TRERF1: variants seen among roughly 807,000 people sequenced by gnomAD.
The protein encoded by TRERF1 is transcriptional regulating factor 1.
A neutral mutation model predicts 122.9 loss-of-function variants in TRERF1; 27 were observed. That is an observed-to-expected ratio of 0.22 (90% CI 0.16 to 0.30). The LOEUF is 0.30. TRERF1 is among the 10% of genes least tolerant of loss of function. The probability of loss-of-function intolerance (pLI) is 1.00; values close to 1 mark genes in which losing one functional copy is unlikely to be tolerated. For missense variants in TRERF1, 1,248 were observed against 1,560.3 expected (o/e 0.80, Z 3.37); for synonymous variants, 636 against 641.7 (o/e 0.99, Z 0.13).
intron 3 of TRERF1, among the ~76,000 whole-genome samples, chr6:42,324,263 C>T (rs1763921709): frequency 6.6e-6 from 1 of 152,030 alleles, no homozygotes. Flanking sequence ...ATGACACAAA[C>T]AAATGAAAAA....
At chr6:42,378,424 C>T (rs1775295350) in intron 2 of TRERF1, among the ~76,000 whole-genome samples, 1 of 151,444 alleles carries the variant, frequency 6.6e-6, no homozygotes, top group African/African-American at 2.4e-5. Context: ...AAGTAACCGG[C>T]ACTGAGAAAA....
intron 2 of TRERF1, among the ~76,000 whole-genome samples, chr6:42,438,303 C>T (rs535859709): frequency 6.6e-6 from 1 of 151,976 alleles, no homozygotes; most frequent in East Asian, 2.0e-4. Context: ...CATTGCCTCA[C>T]CTTCCTAAAG....
intron 3 of TRERF1, among the ~76,000 whole-genome samples, chr6:42,351,402 A>G (rs1188957310): frequency 2.6e-5 from 4 of 152,262 alleles, no homozygotes; most frequent in African/African-American, 9.6e-5. Context: ...AAGAAATGAT[A>G]CATCAATACA....
chr6:42,308,745 G>T (rs1787724324), intron 3 of TRERF1, among the ~76,000 whole-genome samples: 1 of 152,060 alleles, frequency 6.6e-6, no homozygotes, highest in African/African-American at 2.4e-5. Context: ...GAGAACTTAT[G>T]AACACAAAGA....
chr6:42,243,290 C>T, exon 15 of TRERF1: 1 of 1,614,192 alleles, frequency 6.2e-7, no homozygotes, highest in Non-Finnish European at 8.5e-7. Flanking sequence ...TCCGGTGTTT[C>T]CGCCCCAGCC....
chr6:42,321,741 A>G lies in TRERF1; in HGVS notation c.-370-20992T>C, dbSNP rs976074273. Among the ~76,000 whole-genome samples the G allele has an allele frequency of 5.3e-5, 8 of 152,352 alleles. No homozygotes were observed. The East Asian group carries it at 1.3e-3, about 26-fold the overall frequency. ...CAGACCATATGTGCCAGAACTTCCAATTTTTAAAACAAAACCCCAAACTCT... is the reference window on the plus strand; with the variant it reads ...CAGACCATATGTGCCAGAACTTCCAGTTTTTAAAACAAAACCCCAAACTCT... On this transcript the variant is annotated intron_variant, in intron 3 of 17. Coordinates refer to ENST00000372922, the Ensembl canonical transcript of TRERF1.
chr6:42,413,576 C>T (rs1484439528), intron 2 of TRERF1, among the ~76,000 whole-genome samples: 2 of 152,028 alleles, frequency 1.3e-5, no homozygotes, highest in East Asian at 1.9e-4. Flanking sequence ...TCTATAGGTG[C>T]GCGCCACCAT....
chr6:42,264,761 G>A (rs1778848921), exon 7 of TRERF1: 1 of 1,614,260 alleles, frequency 6.2e-7, no homozygotes, highest in African/African-American at 1.3e-5. Flanking sequence ...GGCCATTCAG[G>A]GCAGGCAGGT....
At chr6:42,401,729 C>T (rs75443123) in intron 2 of TRERF1, among the ~76,000 whole-genome samples, 4,011 of 152,256 alleles carry the variant, frequency 0.026, 146 homozygotes, top group East Asian at 0.12. Flanking sequence ...CCCCGCCCCA[C>T]CTGCAAGAGG....
intron 2 of TRERF1, among the ~76,000 whole-genome samples, chr6:42,378,619 GAGGCAAAGACCCCCGA>G (rs1775333291): frequency 6.6e-6 from 1 of 152,156 alleles, no homozygotes; most frequent in Non-Finnish European, 1.5e-5. Context: ...TTGTCTGTCA[GAGGCAAAGACCCCCGA>G]AGCCCATCTG....
chr6:42,272,330 G>A (rs987820045), intron 4 of TRERF1, among the ~76,000 whole-genome samples: 1 of 152,192 alleles, frequency 6.6e-6, no homozygotes, highest in Non-Finnish European at 1.5e-5. Context: ...TTGGTGGAGT[G>A]AAGGGTGGAG....
At chr6:42,418,536 G>T (rs1199100501) in intron 2 of TRERF1, among the ~76,000 whole-genome samples, 2 of 152,024 alleles carry the variant, frequency 1.3e-5, no homozygotes, top group Non-Finnish European at 2.9e-5. Context: ...CTCCCAAAGT[G>T]CTGGGGTTAC....
chr6:42,242,210 A>T (rs1773886169), intron 15 of TRERF1, among the ~76,000 whole-genome samples: 1 of 152,218 alleles, frequency 6.6e-6, no homozygotes, highest in South Asian at 2.1e-4. Flanking sequence ...TCTGTGCTTC[A>T]GTTTCCTACT....
At chr6:42,391,876 C>T (rs1287417764) in intron 2 of TRERF1, among the ~76,000 whole-genome samples, 3 of 152,140 alleles carry the variant, frequency 2.0e-5, no homozygotes, top group Non-Finnish European at 4.4e-5. Flanking sequence ...TAAAGCTTTG[C>T]TCCCAAAATA....
intron 14 of TRERF1, among the ~76,000 whole-genome samples, chr6:42,245,010 T>C (rs1774504527): frequency 6.6e-6 from 1 of 152,198 alleles, no homozygotes; most frequent in African/African-American, 2.4e-5. Context: ...TCCTGTCTCC[T>C]CAAAGTTGCC....
intron 2 of TRERF1, among the ~76,000 whole-genome samples, chr6:42,417,997 T>A (rs1244911630): frequency 6.6e-6 from 1 of 152,106 alleles, no homozygotes; most frequent in Non-Finnish European, 1.5e-5. Context: ...AGGGTTTAAA[T>A]CTTTTACTGC....
At chr6:42,326,251 CAG>C (rs1561994133) in intron 3 of TRERF1, among the ~76,000 whole-genome samples, 1 of 151,884 alleles carries the variant, frequency 6.6e-6, no homozygotes, top group East Asian at 1.9e-4. Flanking sequence ...GAAGGGGTGA[CAG>C]GGGCCTGTAT....
intron 2 of TRERF1, among the ~76,000 whole-genome samples, chr6:42,383,518 T>G (rs537004240): frequency 6.6e-6 from 1 of 152,094 alleles, no homozygotes; most frequent in African/African-American, 2.4e-5. Context: ...CAGGAGGCAC[T>G]TGCTCTCCAT....
rs549318215 is a variant in TRERF1, at chr6:42,300,321, G to T, written c.-259+317C>A. Among the ~76,000 whole-genome samples, 14 of 152,292 alleles carry T rather than the reference G, an allele frequency of 9.2e-5. No individual in the cohort carries two copies. In the South Asian group the frequency reaches 2.9e-3, roughly 32 times the overall value. ...CTTTCCCATTCTATCCTGTCTCAGA[G>T]ATTTTTTCATTCAAAATTCCCTGGA... On this transcript the variant is annotated intron_variant, in intron 4 of 17. Transcript: ENST00000372922.
Sources: gnomAD v4.1 joint callset for allele counts (sites outside exome capture counted in the v4.1 genomes callset) on GRCh38, gnomAD v4.1.1 for gene constraint, MANE v1.5 for transcripts, NCBI Gene and HGNC (gene_info 2026-07-23, HGNC 2026-07-21) for gene names.